IST1: variants seen among roughly 807,000 people sequenced by gnomAD.
The protein encoded by IST1 is IST1 homolog.
IST1 carries 23 observed loss-of-function variants against 37.0 expected under a neutral mutation model. The observed-to-expected ratio is 0.62, with a 90% CI of 0.45 to 0.88. The LOEUF is 0.88. Among genes scored for constraint, IST1 ranks in the 40% least tolerant of loss-of-function variants. The probability of loss-of-function intolerance (pLI) is 0.00; values close to 1 mark genes in which losing one functional copy is unlikely to be tolerated. For synonymous variants in IST1, 180 were observed against 161.7 expected (o/e 1.11, Z -0.86); for missense variants, 488 against 445.4 (o/e 1.10, Z -0.86).
chr16:71,907,276 T>C (rs1172080243), intron 1 of IST1, among the ~76,000 whole-genome samples: 1 of 149,576 alleles, frequency 6.7e-6, no homozygotes, highest in South Asian at 2.1e-4. Flanking sequence ...CCTATCCTTA[T>C]GGGATTTTTT....
rs369963439 is a variant in IST1 at position 71,928,593 on chromosome 16, G to GTGCC, written c.*781_*784dup. On this transcript the variant is annotated 3_prime_UTR_variant, in exon 10 of 10. Transcript: ENST00000378799. The stretch of plus-strand genomic sequence containing the variant: ...GCATTACTGGCAGAGAAAGGACAAG[G>GTGCC]TGCCATTCAAGTCCTAGGGTGGGCT... 3.7e-4 allele frequency: 57 copies of GTGCC among 152,786 alleles called. No homozygotes were observed. The highest frequency in any genetic ancestry group is 1.3e-3 in the African/African-American group (53 of 41,568). The allele number at this position is 152,786 out of a possible 1,614,324, so 9.5% of individuals were successfully genotyped here.
Position 71,927,851 on chromosome 16 carries a change from G to C in IST1, c.*38G>C. 7.2e-7 allele frequency: 1 copy of C among 1,397,132 alleles called. No individual in the cohort carries two copies. The allele number at this position is 1,397,132 out of a possible 1,614,324, so 86.5% of individuals were successfully genotyped here. A position where few individuals can be genotyped will look rare whatever the true frequency, so the allele number is the denominator to read the frequency against. On this transcript the variant is annotated 3_prime_UTR_variant, in exon 10 of 10. Transcript: ENST00000378799. Reference sequence around the variant, plus strand: ...AGGCAACTTTCACGTTTTGGGAGTTGAGACTGAGCAATTTCTCCTTGTAAC... The same window carrying C: ...AGGCAACTTTCACGTTTTGGGAGTTCAGACTGAGCAATTTCTCCTTGTAAC...
chr16:71,896,829 C>T (rs1332343418), intron 1 of IST1, among the ~76,000 whole-genome samples: 1 of 152,058 alleles, frequency 6.6e-6, no homozygotes, highest in African/African-American at 2.4e-5. Context: ...AAAATAAAAA[C>T]AGCCAGGCGT....
rs368285201 is a variant in IST1 at position 71,913,177 on chromosome 16, C to T, written c.-15-2449C>T. On this transcript the variant is annotated intron_variant, in intron 1 of 9. Coordinates refer to ENST00000378799, the MANE Select transcript of IST1 (RefSeq NM_001270975.2). The stretch of plus-strand genomic sequence containing the variant: ...TTTTTAATTTTAATTTTTGAGGAAC[C>T]GCCATACTGTCTTTCCATAATGGTT... Among the ~76,000 whole-genome samples, 14 of 152,164 alleles carry T rather than the reference C, an allele frequency of 9.2e-5. No individual in the cohort carries two copies. The South Asian group carries it at 1.2e-3, about 14-fold the overall frequency.
chr16:71,894,493 G>T (rs148537281), upstream of IST1: 60 of 210,218 alleles, frequency 2.9e-4, no homozygotes, highest in East Asian at 6.9e-3. Flanking sequence ...TGATACACCT[G>T]CCTCGGCCTC....
chr16:71,902,185 C>T (rs1469546960), intron 1 of IST1, among the ~76,000 whole-genome samples: 1 of 152,150 alleles, frequency 6.6e-6, no homozygotes, highest in East Asian at 1.9e-4. Flanking sequence ...AATATTAGTA[C>T]TGATTTTCCT....
rs375017017 is a variant in IST1 at position 71,904,936 on chromosome 16, G to A, written c.-16+9347G>A. ...GTCTACATTTTATTATTTGTTTTCTGTTCTCTCATTTTTGTTTCTGTTTCC... is the reference window on the plus strand; with the variant it reads ...GTCTACATTTTATTATTTGTTTTCTATTCTCTCATTTTTGTTTCTGTTTCC... On this transcript the variant is annotated intron_variant, in intron 1 of 9. Coordinates refer to ENST00000378799, the MANE Select transcript of IST1 (RefSeq NM_001270975.2). Among the ~76,000 whole-genome samples, 27 of 151,846 alleles carry A rather than the reference G, an allele frequency of 1.8e-4. 1 individual carries two copies. The highest frequency in any genetic ancestry group is 9.8e-4 in the Admixed American group (15 of 15,236).
intron 1 of IST1, among the ~76,000 whole-genome samples, chr16:71,897,540 G>C (rs541680564): frequency 4.6e-5 from 7 of 152,258 alleles, no homozygotes; most frequent in African/African-American, 1.7e-4. Flanking sequence ...TGAAAGGGTA[G>C]TATAGTTAGT....
rs2037733781 is a variant in IST1 at position 71,926,005 on chromosome 16, G to T, written c.901+1188G>T. Reference sequence around the variant, plus strand: ...AGAATACTTTTAAAATTAGAGGCCGGGTGCGGTGGCTCACCCCTGTAATCC... The same window carrying T: ...AGAATACTTTTAAAATTAGAGGCCGTGTGCGGTGGCTCACCCCTGTAATCC... On this transcript the variant is annotated intron_variant, in intron 9 of 9. Coordinates refer to ENST00000378799, the MANE Select transcript of IST1 (RefSeq NM_001270975.2). 2.6e-5 allele frequency among the ~76,000 whole-genome samples: 4 copies of T among 152,042 alleles called. No homozygotes were observed. In the South Asian group the frequency reaches 8.3e-4, roughly 32 times the overall value.
rs148051953 is a variant in IST1 at position 71,920,545 on chromosome 16, C to A, written c.358-194C>A. Among the ~76,000 whole-genome samples the A allele has an allele frequency of 8.9e-3, 1,356 of 152,254 alleles. 15 individuals are homozygous for A. Among genetic ancestry groups the A allele is most frequent in the African/African-American group, 0.029 (1,185 of 41,544 alleles). On this transcript the variant is annotated intron_variant, in intron 4 of 9. Coordinates refer to ENST00000378799, the MANE Select transcript of IST1 (RefSeq NM_001270975.2). The stretch of plus-strand genomic sequence containing the variant: ...ATAATACTCATGATAGTGTTTGGCA[C>A]TCGAGTGCTGCTCATTGGATGGATG...
chr16:71,930,021 C>T lies in IST1; in HGVS notation c.*2208C>T, dbSNP rs34029919. The stretch of plus-strand genomic sequence containing the variant: ...CAGTGGAGCTTTCCCAGTGATATAA[C>T]AGCATGCTAGTTTATCTTTTAGTTA... On this transcript the variant is annotated 3_prime_UTR_variant, in exon 10 of 10. Transcript: ENST00000378799. 0.25 allele frequency: 380,870 copies of T among 1,535,706 alleles called. 50,615 individuals are homozygous for T. The highest frequency in any genetic ancestry group is 0.29 in the Middle Eastern group (1,725 of 5,906).
At chr16:71,923,665 T>G (rs1400077971) in intron 8 of IST1, among the ~76,000 whole-genome samples, 1 of 152,184 alleles carries the variant, frequency 6.6e-6, no homozygotes, top group Non-Finnish European at 1.5e-5. Flanking sequence ...ACTTAGCCAG[T>G]TGTTTTGACC....
chr16:71,916,160 C>A (rs1392440227), intron 2 of IST1, among the ~76,000 whole-genome samples: 1 of 152,162 alleles, frequency 6.6e-6, no homozygotes, highest in African/African-American at 2.4e-5. Flanking sequence ...GCTTTGGATC[C>A]ATTTCTGCCC....
rs549964953 is a variant in IST1, at chr16:71,925,705, C to T, written c.901+888C>T. Among the ~76,000 whole-genome samples, 13 of 151,988 alleles carry T rather than the reference C, an allele frequency of 8.6e-5. No homozygotes were observed. The South Asian group carries it at 2.7e-3, about 32-fold the overall frequency. ...AGGTGTGGTGATTCACATTTGTAAT[C>T]CAAGCACTTTGGGAAGCTGAGGCAG... On this transcript the variant is annotated intron_variant, in intron 9 of 9. Coordinates refer to ENST00000378799, the MANE Select transcript of IST1 (RefSeq NM_001270975.2).
At chr16:71,926,435 C>A (rs1426079926) in intron 9 of IST1, among the ~76,000 whole-genome samples, 3 of 151,834 alleles carry the variant, frequency 2.0e-5, no homozygotes, top group Non-Finnish European at 4.4e-5. Flanking sequence ...GCTCCACCTC[C>A]CGGGTTCACG....
At chr16:71,922,921 A>C in intron 7 of IST1, 1 of 570,384 alleles carries the variant, frequency 1.8e-6, no homozygotes, top group Non-Finnish European at 3.1e-6. Context: ...AGGTTTACTG[A>C]ATATCTTTGG....
intron 7 of IST1, chr16:71,922,934 T>A (rs2037641664): frequency 7.3e-6 from 4 of 544,708 alleles, no homozygotes; most frequent in Non-Finnish European, 1.3e-5. Flanking sequence ...ATCTTTGGGA[T>A]CTGTTATAGT....
intron 1 of IST1, among the ~76,000 whole-genome samples, chr16:71,904,290 AT>A (rs1029359931): frequency 3.9e-5 from 6 of 152,008 alleles, no homozygotes; most frequent in Non-Finnish European, 8.8e-5. Flanking sequence ...CGCCTGGCTA[AT>A]TTTTTATTTT....
intron 1 of IST1, among the ~76,000 whole-genome samples, chr16:71,915,356 C>G (rs936612800): frequency 2.0e-5 from 3 of 152,154 alleles, no homozygotes; most frequent in African/African-American, 4.8e-5. Flanking sequence ...GCTGACACTG[C>G]TAACCACCCT....
Sources: allele counts gnomAD v4.1 joint callset (sites outside exome capture counted in the v4.1 genomes callset), GRCh38; gene constraint gnomAD v4.1.1; transcripts MANE v1.5; gene names NCBI Gene and HGNC (gene_info 2026-07-23, HGNC 2026-07-21).